MRPS23: variants seen among roughly 807,000 people sequenced by gnomAD.
MRPS23 encodes the protein mitochondrial ribosomal protein S23.
Under a neutral mutation model 19.8 loss-of-function variants are expected in MRPS23, and 14 were observed. The ratio of observed to expected loss-of-function variants is 0.71; its 90% CI spans 0.47 to 1.11. The LOEUF (loss-of-function observed/expected upper bound fraction) is 1.11. Among genes scored for constraint, MRPS23 ranks in the 50% least tolerant of loss-of-function variants. MRPS23 has a pLI of 0.00. For synonymous variants in MRPS23, 113 were observed against 89.7 expected, an observed-to-expected ratio of 1.26 and a Z score of -1.47; for missense variants, 242 against 236.7, an observed-to-expected ratio of 1.02 and a Z score of -0.15.
intron 4 of MRPS23, among the ~76,000 whole-genome samples, chr17:57,840,304 A>T (rs1296261266): frequency 6.6e-6 from 1 of 151,866 alleles, no homozygotes; most frequent in Non-Finnish European, 1.5e-5. Flanking sequence ...GGAGAATGGC[A>T]TGAACCTAGG....
chr17:57,848,411 G>A lies in MRPS23; in HGVS notation c.215+829C>T, dbSNP rs567015435. Among the ~76,000 whole-genome samples, 14 of 152,102 alleles carry A rather than the reference G, an allele frequency of 9.2e-5. 1 individual carries two copies. In the South Asian group the frequency reaches 2.1e-3, roughly 23 times the overall value. On this transcript the variant is annotated intron_variant, in intron 2 of 4. Coordinates refer to ENST00000313608, the MANE Select transcript of MRPS23 (RefSeq NM_016070.4). ...AAATTCCTAGTGATTGTCTCTCTCTGTCGCCCAGGCTGGAGTGCAGTGGTG... is the reference window on the plus strand; with the variant it reads ...AAATTCCTAGTGATTGTCTCTCTCTATCGCCCAGGCTGGAGTGCAGTGGTG...
At position 57,838,482 on chromosome 17, in the gene MRPS23, T is replaced by C. The variant is rs758239043; in HGVS notation, c.*1301A>G. On this transcript the variant is annotated 3_prime_UTR_variant, in exon 5 of 5. Transcript: ENST00000313608. ...TTTAAAGAGATGAGTGACCCCTCAA[T>C]TGTTCCTCTGAGAATAGACTGTGTC... 6.6e-6 allele frequency: 1 copy of C among 152,052 alleles called. No individual in the cohort carries two copies. The highest frequency in any genetic ancestry group is 1.5e-5 in the Non-Finnish European group (1 of 68,010). 9.4% of individuals were successfully genotyped at this position (152,052 alleles called of 1,614,324 possible).
intron 4 of MRPS23, 80 bp from the exon 5 acceptor site, chr17:57,840,015 C>T: frequency 1.3e-6 from 2 of 1,517,676 alleles, no homozygotes. Flanking sequence ...TAACTAGGCA[C>T]ATTCTGTCAC....
chr17:57,835,952 C>CTTTTTTTT lies in MRPS23; in HGVS notation c.*3823_*3830dup, dbSNP rs11304363. On this transcript the variant is annotated 3_prime_UTR_variant, in exon 5 of 5. Coordinates refer to ENST00000313608, the MANE Select transcript of MRPS23 (RefSeq NM_016070.4). ...ATAAGAATTTCTGCCCTCCTTTATACTTTTTTTTTTTTTTTTTTTGAGACA... is the reference window on the plus strand; with the variant it reads ...ATAAGAATTTCTGCCCTCCTTTATACTTTTTTTTTTTTTTTTTTTTTTTTTTTGAGACA... The CTTTTTTTT allele has an allele frequency of 7.4e-6, 1 of 135,256 alleles. No individual in the cohort carries two copies. The highest frequency in any genetic ancestry group is 2.7e-5 in the African/African-American group (1 of 37,018). The allele number at this position is 135,256 out of a possible 1,614,324, so 8.4% of individuals were successfully genotyped here.
intron 2 of MRPS23, among the ~76,000 whole-genome samples, chr17:57,841,527 G>A (rs140693459): frequency 0.019 from 2,892 of 152,290 alleles, 46 homozygotes; most frequent in Middle Eastern, 0.061. Context: ...TTCCCAGGAA[G>A]CAACACTAAC....
intron 2 of MRPS23, chr17:57,849,036 T>C (rs2073794510): frequency 1.6e-6 from 1 of 615,430 alleles, no homozygotes; most frequent in Admixed American, 3.1e-5. Context: ...CAATGATCTT[T>C]CGGTTGCTGG....
intron 2 of MRPS23, among the ~76,000 whole-genome samples, chr17:57,843,052 A>C (rs9899363): frequency 0.12 from 18,639 of 151,672 alleles, 1,260 homozygotes; most frequent in South Asian, 0.24. Flanking sequence ...AGGCAGGAGG[A>C]TCACTTGAGG....
chr17:57,840,983 T>C lies in MRPS23; in HGVS notation c.363A>G (p.Thr121=). ...ETDEEKLFVE[T]GKALLAEGVI... ...CACCTTCTGCCAATAAAGCCTTCCC[T>C]GTTTCCACAAATAACTTCTCTTCAT... The change falls in exon 4 of 5, where the codon ACA becomes ACG. Residue 121 remains threonine (T), a synonymous_variant. Coordinates refer to ENST00000313608, the MANE Select transcript of MRPS23 (RefSeq NM_016070.4). 6.2e-7 allele frequency: 1 copy of C among 1,614,222 alleles called. No individual in the cohort carries two copies. The highest frequency in any genetic ancestry group is 8.5e-7 in the Non-Finnish European group (1 of 1,180,038).
Position 57,838,385 on chromosome 17 carries a change from GA to G in MRPS23, c.*1397del, listed in dbSNP as rs2073720382. ...ATGGGACATCAATCCAGACATGAAG[GA>G]AAAAAACATTTTTTAAATATTCATC... On this transcript the variant is annotated 3_prime_UTR_variant, in exon 5 of 5. Coordinates refer to ENST00000313608, the MANE Select transcript of MRPS23 (RefSeq NM_016070.4). 6.8e-6 allele frequency: 1 copy of G among 147,586 alleles called. No individual in the cohort carries two copies. 9.1% of individuals were successfully genotyped at this position (147,586 alleles called of 1,614,324 possible).
At position 57,836,004 on chromosome 17, in the gene MRPS23, G is replaced by T. The variant is rs2144869391; in HGVS notation, c.*3779C>A. Reference sequence around the variant, plus strand: ...TGTCTCTCTTCTGTCGCCCAGGCTGGGGTGCTGTAGCATGATCTCAGCTCA... The same window carrying T: ...TGTCTCTCTTCTGTCGCCCAGGCTGTGGTGCTGTAGCATGATCTCAGCTCA... On this transcript the variant is annotated 3_prime_UTR_variant, in exon 5 of 5. Transcript: ENST00000313608. 1 of 151,090 alleles carries T rather than the reference G, an allele frequency of 6.6e-6. No homozygotes were observed. The highest frequency in any genetic ancestry group is 1.9e-4 in the East Asian group (1 of 5,142). 9.4% of individuals were successfully genotyped at this position (151,090 alleles called of 1,614,324 possible). A position where few individuals can be genotyped will look rare whatever the true frequency, so the allele number is the denominator to read the frequency against.
In MRPS23 at chr17:57,849,421, G is replaced by T; in HGVS notation, c.45-11C>A. Reference sequence around the variant, plus strand: ...ACCAGGTCCCGAGTCCTTAGGGAGGGAACAGAACGAAACTGGGTCACTTGC... The same window carrying T: ...ACCAGGTCCCGAGTCCTTAGGGAGGTAACAGAACGAAACTGGGTCACTTGC... On this transcript the variant is annotated splice_polypyrimidine_tract_variant and intron_variant, in intron 1 of 4. Coordinates refer to ENST00000313608, the MANE Select transcript of MRPS23 (RefSeq NM_016070.4). 1 of 1,612,442 alleles carries T rather than the reference G, an allele frequency of 6.2e-7. No homozygotes were observed. Among genetic ancestry groups the T allele is most frequent in the East Asian group, 2.2e-5 (1 of 44,876 alleles).
intron 4 of MRPS23, 118 bp from the exon 5 acceptor site, chr17:57,840,053 T>C (rs2144872863): frequency 8.5e-7 from 1 of 1,170,082 alleles, no homozygotes; most frequent in Non-Finnish European, 1.2e-6. Flanking sequence ...ACTAATATCT[T>C]AGATCCAATT....
chr17:57,841,695 T>G (rs997575788), intron 2 of MRPS23, among the ~76,000 whole-genome samples: 1 of 152,262 alleles, frequency 6.6e-6, no homozygotes, highest in Non-Finnish European at 1.5e-5. Context: ...GCGCAGTGGC[T>G]CATGCCTATA....
Position 57,849,352 on chromosome 17 carries a change from A to G in MRPS23, c.103T>C (p.Tyr35His), listed in dbSNP as rs1399012001. 2 of 1,614,154 alleles carry G rather than the reference A, an allele frequency of 1.2e-6. No homozygotes were observed. Among genetic ancestry groups the G allele is most frequent in the Middle Eastern group, 1.6e-4 (1 of 6,062 alleles). The change falls in exon 2 of 5, where the codon TAT becomes CAT. Residue 35 changes from tyrosine to histidine, a missense_variant. Tyr to His is a moderately conservative substitution (Grantham distance 83, BLOSUM62 2). Transcript: ENST00000313608. ...TCCCTCAGCGGGGGAAAGGCGTCAT[A>G]TACGTCAAACCACAGGGGCTTCTCC... The part of the protein sequence containing the change: ...LKEKPLWFDV[Y>H]DAFPPLREPV...
chr17:57,846,363 C>T (rs570967696), intron 2 of MRPS23, among the ~76,000 whole-genome samples: 2 of 152,028 alleles, frequency 1.3e-5, no homozygotes, highest in Non-Finnish European at 2.9e-5. Context: ...CCGGCCGCCC[C>T]GTCTGGGAAG....
At position 57,836,049 on chromosome 17, in the gene MRPS23, G is replaced by T. The variant is rs1311949481; in HGVS notation, c.*3734C>A. On this transcript the variant is annotated 3_prime_UTR_variant, in exon 5 of 5. Coordinates refer to ENST00000313608, the MANE Select transcript of MRPS23 (RefSeq NM_016070.4). ...AGCTCACTGTAACCTCCACCTCCTG[G>T]GTTCAAGCGATTCTCCTGCCTCAGC... 1 of 151,536 alleles carries T rather than the reference G, an allele frequency of 6.6e-6. No homozygotes were observed. Among genetic ancestry groups the T allele is most frequent in the Non-Finnish European group, 1.5e-5 (1 of 67,972 alleles). 9.4% of individuals were successfully genotyped at this position (151,536 alleles called of 1,614,324 possible).
At chr17:57,842,159 G>A (rs1056286313) in intron 2 of MRPS23, among the ~76,000 whole-genome samples, 8 of 152,062 alleles carry the variant, frequency 5.3e-5, no homozygotes, top group African/African-American at 9.7e-5. Flanking sequence ...CTACAGGTTC[G>A]CAGCACCACC....
intron 2 of MRPS23, among the ~76,000 whole-genome samples, chr17:57,844,888 T>A (rs531886729): frequency 3.9e-5 from 6 of 152,234 alleles, no homozygotes; most frequent in African/African-American, 1.2e-4. Flanking sequence ...AATGATTTTT[T>A]AAATTTTTTA....
chr17:57,846,879 C>T (rs1310640658), intron 2 of MRPS23, among the ~76,000 whole-genome samples: 3 of 150,564 alleles, frequency 2.0e-5, no homozygotes, highest in Non-Finnish European at 4.4e-5. Flanking sequence ...CTGCCAAATC[C>T]CCCTCTCCGA....
Sources: allele counts gnomAD v4.1 joint callset (sites outside exome capture counted in the v4.1 genomes callset), GRCh38; gene constraint gnomAD v4.1.1; transcripts MANE v1.5; gene names NCBI Gene and HGNC (gene_info 2026-07-23, HGNC 2026-07-21).